The following PGRMC1 variants were observed in gnomAD, a reference collection of about 807,000 sequenced individuals.
PGRMC1 encodes the protein progesterone receptor membrane component 1, also known as membrane-associated progesterone receptor component 1.
For synonymous variants in PGRMC1, 73 were observed against 77.3 expected (o/e 0.94, Z 0.29); for missense variants, 145 against 169.0 (o/e 0.86, Z 0.79).
intron 2 of PGRMC1, 141 bp downstream of exon 2, chrX:119,240,605 G>T: frequency 4.0e-6 from 2 of 494,943 alleles, no homozygotes; most frequent in East Asian, 7.1e-5. Context: ...CAAGTTCATG[G>T]CTTGAAGTAA....
rs773260774 is a variant in PGRMC1 at position 119,236,423 on chromosome X, G to A, written c.60G>A (p.Gly20=). The A allele has an allele frequency of 2.5e-6, 3 of 1,209,449 alleles. No homozygotes were observed. Among genetic ancestry groups the A allele is most frequent in the East Asian group, 3.0e-5 (1 of 33,696 alleles). The part of the protein sequence containing the change: ...GADPSDLESG[G]LLHEIFTSPL... ...ACCCAAGCGATCTGGAGAGCGGCGG[G>A]CTGCTGCATGAGATTTTCACGTCGC... Residue 20 remains glycine, a synonymous_variant, in exon 1 of 3, where the codon GGG becomes GGA. Coordinates refer to ENST00000217971, the MANE Select transcript of PGRMC1 (RefSeq NM_006667.5).
chrX:119,240,620 A>G (rs1178664682), intron 2 of PGRMC1, among the ~76,000 whole-genome samples, 156 bp downstream of exon 2: 1 of 112,132 alleles, frequency 8.9e-6, no homozygotes, highest in East Asian at 2.8e-4. Context: ...AAGTAATTGT[A>G]GCAGTGCTGA....
chrX:119,236,451 C>T lies in PGRMC1; in HGVS notation c.88C>T (p.Leu30Phe). 3 of 1,210,717 alleles carry T rather than the reference C, an allele frequency of 2.5e-6. No individual in the cohort carries two copies. Among genetic ancestry groups the T allele is most frequent in the Non-Finnish European group, 2.2e-6 (2 of 894,699 alleles). The change falls in exon 1 of 3, where the codon CTC (leucine) becomes TTC (phenylalanine). Residue 30 changes from leucine (L) to phenylalanine (F), a missense_variant. Leu to Phe is a conservative substitution (Grantham distance 22, BLOSUM62 0). Transcript: ENST00000217971. The part of the protein sequence containing the change: ...GLLHEIFTSP[L>F]NLLLLGLCIF... Reference sequence around the variant, plus strand: ...GCTGCATGAGATTTTCACGTCGCCGCTCAACCTGCTGCTGCTTGGCCTCTG... The same window carrying T: ...GCTGCATGAGATTTTCACGTCGCCGTTCAACCTGCTGCTGCTTGGCCTCTG...
intron 1 of PGRMC1, among the ~76,000 whole-genome samples, chrX:119,237,222 G>A (rs1930722143): frequency 9.0e-6 from 1 of 111,327 alleles, no homozygotes; most frequent in Non-Finnish European, 1.9e-5. Context: ...TTTGAAATAT[G>A]AGGGTGTGGG....
At position 119,244,119 on chromosome X, in the gene PGRMC1, C is replaced by T. The variant is rs1459153733; in HGVS notation, c.*865C>T. On this transcript the variant is annotated 3_prime_UTR_variant, in exon 3 of 3. Coordinates refer to ENST00000217971, the MANE Select transcript of PGRMC1 (RefSeq NM_006667.5). ...GCTCTCCTAAGAGCCTTCATGCACA[C>T]CCCTGAACCACGAGGAAACAGTACA... 1 of 112,049 alleles carries T rather than the reference C, an allele frequency of 8.9e-6. No homozygotes were observed. The highest frequency in any genetic ancestry group is 3.2e-5 in the African/African-American group (1 of 30,819). 9.2% of individuals were successfully genotyped at this position (112,049 alleles called of 1,213,427 possible).
At position 119,243,206 on chromosome X, in the gene PGRMC1, C is replaced by T; in HGVS notation, c.540C>T (p.Tyr180=). ...AGGAGGGGGAGGAGCCCACTGTGTA[C>T]TCAGATGAGGAAGAACCAAAAGATG... ...LLKEGEEPTV[Y]SDEEEPKDES... is the part of the protein sequence containing the mutation. Residue 180 remains tyrosine (Y), a synonymous_variant, in exon 3 of 3, where the codon TAC becomes TAT. Transcript: ENST00000217971. 8.3e-7 allele frequency: 1 copy of T among 1,204,574 alleles called. No individual in the cohort carries two copies.
chrX:119,240,829 T>A (rs938485499), intron 2 of PGRMC1, among the ~76,000 whole-genome samples: 20 of 111,966 alleles, frequency 1.8e-4, no homozygotes, highest in Admixed American at 1.0e-3. Flanking sequence ...AGCTTGCCGT[T>A]TAAAAGCAGC....
At chrX:119,240,959 T>C (rs1242404532) in intron 2 of PGRMC1, among the ~76,000 whole-genome samples, 1 of 112,211 alleles carries the variant, frequency 8.9e-6, no homozygotes, top group Admixed American at 9.4e-5. Flanking sequence ...CCAGCAGCAA[T>C]GGTGTCTGCA....
chrX:119,243,263 G>A lies in PGRMC1; in HGVS notation c.*9G>A, dbSNP rs1481412003. 6 of 1,074,309 alleles carry A rather than the reference G, an allele frequency of 5.6e-6. No individual in the cohort carries two copies. Among genetic ancestry groups the A allele is most frequent in the Admixed American group, 2.2e-5 (1 of 45,660 alleles). 88.5% of individuals were successfully genotyped at this position (1,074,309 alleles called of 1,213,427 possible). A position where few individuals can be genotyped will look rare whatever the true frequency, so the allele number is the denominator to read the frequency against. On this transcript the variant is annotated 3_prime_UTR_variant, in exon 3 of 3. Transcript: ENST00000217971. ...CCCGGAAAAATGATTAAAGCATTCA[G>A]TGGAAGTATATCTATTTTTGTATTT...
At chrX:119,239,458 G>C (rs1426683342) in intron 1 of PGRMC1, among the ~76,000 whole-genome samples, 1 of 111,914 alleles carries the variant, frequency 8.9e-6, no homozygotes, top group African/African-American at 3.3e-5. Flanking sequence ...AAAGTACACT[G>C]GATTCTCTTC....
Position 119,236,474 on chromosome X carries a change from C to G in PGRMC1, c.111C>G (p.Leu37=), listed in dbSNP as rs373229995. Residue 37 remains leucine, a synonymous_variant, in exon 1 of 3, where the codon CTC becomes CTG. Transcript: ENST00000217971. ...CGCTCAACCTGCTGCTGCTTGGCCT[C>G]TGCATCTTCCTGCTCTACAAGATCG... ...TSPLNLLLLG[L]CIFLLYKIVR... 2.4e-5 allele frequency: 29 copies of G among 1,209,140 alleles called. No individual in the cohort carries two copies. The highest frequency in any genetic ancestry group is 3.2e-5 in the Non-Finnish European group (29 of 894,505).
chrX:119,240,614 A>G (rs774112486), intron 2 of PGRMC1, 150 bp downstream of exon 2: 110 of 480,198 alleles, frequency 2.3e-4, no homozygotes, highest in African/African-American at 2.2e-3. Flanking sequence ...GGCTTGAAGT[A>G]ATTGTAGCAG....
rs759032501 is a variant in PGRMC1, at chrX:119,242,248, C to T, written c.485-903C>T. On this transcript the variant is annotated intron_variant, in intron 2 of 2. Coordinates refer to ENST00000217971, the MANE Select transcript of PGRMC1 (RefSeq NM_006667.5). ...TCTTGCCAATCCTGACTTCACTTGT[C>T]CATTCCATGTTTTAGATCTCCTGTC... Among the ~76,000 whole-genome samples, 3 of 109,137 alleles carry T rather than the reference C, an allele frequency of 2.7e-5. No individual in the cohort carries two copies. The East Asian group carries it at 8.6e-4, about 31-fold the overall frequency. 94.8% of individuals were successfully genotyped at this position (109,137 alleles called of 115,157 possible).
chrX:119,241,532 A>C (rs1161078760), intron 2 of PGRMC1, among the ~76,000 whole-genome samples: 1 of 112,295 alleles, frequency 8.9e-6, no homozygotes, highest in Non-Finnish European at 1.9e-5. Flanking sequence ...TGTCTAACTT[A>C]CAAAGCTCTA....
intron 1 of PGRMC1, among the ~76,000 whole-genome samples, chrX:119,237,071 G>A (rs924247376): frequency 6.3e-5 from 7 of 111,177 alleles, no homozygotes; most frequent in African/African-American, 2.0e-4. Flanking sequence ...CCTGGGCTTG[G>A]GGATTCCTGG....
chrX:119,236,925 C>T (rs948004196), intron 1 of PGRMC1, among the ~76,000 whole-genome samples: 2 of 112,009 alleles, frequency 1.8e-5, no homozygotes, highest in Admixed American at 9.3e-5. Flanking sequence ...ATCCCCGGCC[C>T]GCGCTGACAG....
In PGRMC1 at chrX:119,240,166, A is replaced by G. The variant is rs41294900; in HGVS notation, c.329-143A>G. Reference sequence around the variant, plus strand: ...GTGTCTCCTACATAATGTTCAGAATATCAGCATTACTATGGTTTCCTAATG... The same window carrying G: ...GTGTCTCCTACATAATGTTCAGAATGTCAGCATTACTATGGTTTCCTAATG... On this transcript the variant is annotated intron_variant, in intron 1 of 2. Transcript: ENST00000217971. The G allele has an allele frequency of 3.0e-4, 163 of 550,406 alleles. No homozygotes were observed. The East Asian group carries it at 5.0e-3, about 17-fold the overall frequency. The allele number at this position is 550,406 out of a possible 1,213,427, so 45.4% of individuals were successfully genotyped here. A position where few individuals can be genotyped will look rare whatever the true frequency, so the allele number is the denominator to read the frequency against.
In PGRMC1 at chrX:119,236,416, G is replaced by A. The variant is rs1482908411; in HGVS notation, c.53G>A (p.Ser18Asn). 2 of 1,211,126 alleles carry A rather than the reference G, an allele frequency of 1.7e-6. No homozygotes were observed. Among genetic ancestry groups the A allele is most frequent in the Non-Finnish European group, 2.2e-6 (2 of 895,042 alleles). Residue 18 changes from serine (S) to asparagine (N), a missense_variant, in exon 1 of 3, where the codon AGC (serine) becomes AAC (asparagine). Physicochemically the swap from Ser to Asn is conservative, Grantham distance 46. Transcript: ENST00000217971. Reference sequence around the variant, plus strand: ...GGCGCCGACCCAAGCGATCTGGAGAGCGGCGGGCTGCTGCATGAGATTTTC... The same window carrying A: ...GGCGCCGACCCAAGCGATCTGGAGAACGGCGGGCTGCTGCATGAGATTTTC... ...ATGADPSDLE[S>N]GGLLHEIFTS...
intron 2 of PGRMC1, among the ~76,000 whole-genome samples, chrX:119,241,098 TCTAA>T (rs1930808647): frequency 8.9e-6 from 1 of 112,415 alleles, no homozygotes. Context: ...TTCTGTCAAA[TCTAA>T]CTGTTTAATT....
Sources: gnomAD v4.1 joint callset for allele counts (sites outside exome capture counted in the v4.1 genomes callset) on GRCh38, gnomAD v4.1.1 for gene constraint, MANE v1.5 for transcripts, NCBI Gene and HGNC (gene_info 2026-07-23, HGNC 2026-07-21) for gene names.